Variants in SPRN observed in about 807,000 individuals in gnomAD.
SPRN encodes the protein hypothetical protein BC004409.
For missense variants in SPRN, 312 were observed against 241.4 expected (o/e 1.29, Z -1.94); for synonymous variants, 182 against 123.4 (o/e 1.48, Z -3.15).
Position 133,423,628 on chromosome 10 carries a change from G to C in SPRN, c.54C>G (p.Leu18=). Residue 18 remains leucine, a synonymous_variant, in exon 2 of 2, where the codon CTC becomes CTG. Coordinates refer to ENST00000685335, the MANE Select transcript of SPRN (RefSeq NM_001391974.1). Reference sequence around the variant, plus strand: ...CGCCCTTGGCTGCGCCGCTGTCGCAGAGGAAGGCGGCCGCCAGTAGCAGAG... The same window carrying C: ...CGCCCTTGGCTGCGCCGCTGTCGCACAGGAAGGCGGCCGCCAGTAGCAGAG... ...CWALLLAAAF[L]CDSGAAKGGR... The C allele has an allele frequency of 6.4e-7, 1 of 1,569,040 alleles. No individual in the cohort carries two copies. The highest frequency in any genetic ancestry group is 8.6e-7 in the Non-Finnish European group (1 of 1,161,454).
At chr10:133,424,625 TG>T (rs1184651172), upstream of SPRN, 1 of 138,382 alleles carries the variant, frequency 7.2e-6, no homozygotes, top group African/African-American at 3.1e-5. Context: ...GCCCTGGGAT[TG>T]GGGCGGGCAG....
At position 133,420,782 on chromosome 10, in the gene SPRN, G is replaced by A. The variant is rs941419919; in HGVS notation, c.*2444C>T. ...CTCAGTGCCCTGGGGCATGTTCAGG[G>A]CAGGGTTGAGGGGGACGCCCTGCAC... On this transcript the variant is annotated 3_prime_UTR_variant, in exon 2 of 2. Coordinates refer to ENST00000685335, the MANE Select transcript of SPRN (RefSeq NM_001391974.1). 2 of 152,510 alleles carry A rather than the reference G, an allele frequency of 1.3e-5. No individual in the cohort carries two copies. Among genetic ancestry groups the A allele is most frequent in the African/African-American group, 4.8e-5 (2 of 41,486 alleles). The allele number at this position is 152,510 out of a possible 1,614,324, so 9.4% of individuals were successfully genotyped here.
chr10:133,423,471 C>T lies in SPRN; in HGVS notation c.211G>A (p.Ala71Thr). 1 of 1,165,806 alleles carries T rather than the reference C, an allele frequency of 8.6e-7. No individual in the cohort carries two copies. The highest frequency in any genetic ancestry group is 1.1e-6 in the Non-Finnish European group (1 of 949,632). The allele number at this position is 1,165,806 out of a possible 1,614,324, so 72.2% of individuals were successfully genotyped here. A position where few individuals can be genotyped will look rare whatever the true frequency, so the allele number is the denominator to read the frequency against. ...GCTCCCGCCGCCGCCCCGGCTGCCG[C>T]CCCGGCGGCAGCCACGCGCAGGGAG... Reference protein sequence around the residue: ...GSSLRVAAAGAAAGAAAGAAA... With the variant: ...GSSLRVAAAGTAAGAAAGAAA... The change falls in exon 2 of 2, where the codon GCG becomes ACG. Residue 71 changes from alanine (A) to threonine (T), a missense_variant. Physicochemically the swap from Ala to Thr is moderately conservative, Grantham distance 58. Transcript: ENST00000685335.
chr10:133,423,617 C>T lies in SPRN; in HGVS notation c.65G>A (p.Gly22Asp). ...ACCTCCGCGGCCGCCCTTGGCTGCG[C>T]CGCTGTCGCAGAGGAAGGCGGCCGC... ...LLAAAFLCDS[G>D]AAKGGRGGAR... Residue 22 changes from glycine (G) to aspartate (D), a missense_variant, in exon 2 of 2, where the codon GGC becomes GAC. Transcript: ENST00000685335. 2.6e-6 allele frequency: 4 copies of T among 1,553,260 alleles called. No individual in the cohort carries two copies. Among genetic ancestry groups the T allele is most frequent in the Non-Finnish European group, 3.5e-6 (4 of 1,154,300 alleles).
In SPRN at chr10:133,421,905, G is replaced by C. The variant is rs1010289239; in HGVS notation, c.*1321C>G. Reference sequence around the variant, plus strand: ...AGGGTGAGATCCCAAGGCCACGGCGGGGGGCAGGGAGAACCCCTCCTACCC... The same window carrying C: ...AGGGTGAGATCCCAAGGCCACGGCGCGGGGCAGGGAGAACCCCTCCTACCC... On this transcript the variant is annotated 3_prime_UTR_variant, in exon 2 of 2. Coordinates refer to ENST00000685335, the MANE Select transcript of SPRN (RefSeq NM_001391974.1). The C allele has an allele frequency of 1.4e-5, 2 of 146,654 alleles. No homozygotes were observed. The highest frequency in any genetic ancestry group is 4.9e-5 in the African/African-American group (2 of 40,708). 9.1% of individuals were successfully genotyped at this position (146,654 alleles called of 1,614,324 possible).
In SPRN at chr10:133,424,516, C is replaced by T. The variant is rs1370630257; in HGVS notation, c.-60G>A. The T allele has an allele frequency of 1.1e-4, 15 of 134,578 alleles. No individual in the cohort carries two copies. The highest frequency in any genetic ancestry group is 4.6e-4 in the African/African-American group (14 of 30,358). The allele number at this position is 134,578 out of a possible 1,614,324, so 8.3% of individuals were successfully genotyped here. On this transcript the variant is annotated 5_prime_UTR_variant, in exon 1 of 2. Transcript: ENST00000685335. Reference sequence around the variant, plus strand: ...GGAACCGCGCGCTGGAGTATCCGTCCCTGAGGCCGCGGCCGAGCGGGAAGG... The same window carrying T: ...GGAACCGCGCGCTGGAGTATCCGTCTCTGAGGCCGCGGCCGAGCGGGAAGG...
rs1010777756 is a variant in SPRN at position 133,422,106 on chromosome 10, G to C, written c.*1120C>G. The C allele has an allele frequency of 6.5e-6, 1 of 152,840 alleles. No individual in the cohort carries two copies. Among genetic ancestry groups the C allele is most frequent in the African/African-American group, 2.4e-5 (1 of 41,452 alleles). The allele number at this position is 152,840 out of a possible 1,614,324, so 9.5% of individuals were successfully genotyped here. On this transcript the variant is annotated 3_prime_UTR_variant, in exon 2 of 2. Coordinates refer to ENST00000685335, the MANE Select transcript of SPRN (RefSeq NM_001391974.1). ...TCGTGACTGTCCAGCGCCACTCCAT[G>C]TCTCTCCTGTCCTTGGATGTTGGGG...
chr10:133,423,379 C>T lies in SPRN; in HGVS notation c.303G>A (p.Glu101=), dbSNP rs1054827846. The change falls in exon 2 of 2, where the codon GAG becomes GAA. Residue 101 remains glutamate (E), a synonymous_variant. Coordinates refer to ENST00000685335, the MANE Select transcript of SPRN (RefSeq NM_001391974.1). The part of the protein sequence containing the change: ...RAAGPGERGL[E]DEEDGVPGGN... ...CTCCGGGCACCCCGTCCTCCTCGTC[C>T]TCCAGGCCGCGTTCCCCGGGTCCCG... The T allele has an allele frequency of 3.3e-5, 49 of 1,501,492 alleles. No homozygotes were observed. The highest frequency in any genetic ancestry group is 3.0e-4 in the South Asian group (24 of 80,564). 93.0% of individuals were successfully genotyped at this position (1,501,492 alleles called of 1,614,324 possible). A position where few individuals can be genotyped will look rare whatever the true frequency, so the allele number is the denominator to read the frequency against.
Position 133,423,687 on chromosome 10 carries a change from TG to T in SPRN, c.-7del, listed in dbSNP as rs753158940. On this transcript the variant is annotated 5_prime_UTR_variant, in exon 2 of 2. Coordinates refer to ENST00000685335, the MANE Select transcript of SPRN (RefSeq NM_001391974.1). Reference sequence around the variant, plus strand: ...GTTGCGGGTGCCCAGTTCATCTTCGTGGGGCTAAACCTGCGGGAAGAGAGGG... The same window carrying T: ...GTTGCGGGTGCCCAGTTCATCTTCGTGGGCTAAACCTGCGGGAAGAGAGGG... 58 of 1,571,620 alleles carry T rather than the reference TG, an allele frequency of 3.7e-5. No individual in the cohort carries two copies. The highest frequency in any genetic ancestry group is 4.8e-5 in the Non-Finnish European group (56 of 1,158,944).
Position 133,423,107 on chromosome 10 carries a change from T to C in SPRN, c.*119A>G. The C allele has an allele frequency of 1.9e-6, 2 of 1,071,938 alleles. No homozygotes were observed. Among genetic ancestry groups the C allele is most frequent in the Non-Finnish European group, 2.6e-6 (2 of 776,392 alleles). The allele number at this position is 1,071,938 out of a possible 1,614,324, so 66.4% of individuals were successfully genotyped here. A position where few individuals can be genotyped will look rare whatever the true frequency, so the allele number is the denominator to read the frequency against. On this transcript the variant is annotated 3_prime_UTR_variant, in exon 2 of 2. Coordinates refer to ENST00000685335, the MANE Select transcript of SPRN (RefSeq NM_001391974.1). ...CGGGTCCACAGGGACAGCCAGCAGC[T>C]CCTGCACCCAGTGGGGCTCCAAGAC...
Position 133,424,503 on chromosome 10 carries a change from T to C in SPRN, c.-47A>G, listed in dbSNP as rs1424080625. The C allele has an allele frequency of 2.4e-5, 3 of 125,018 alleles. No homozygotes were observed. The highest frequency in any genetic ancestry group is 1.1e-4 in the African/African-American group (3 of 26,836). The allele number at this position is 125,018 out of a possible 1,614,324, so 7.7% of individuals were successfully genotyped here. On this transcript the variant is annotated 5_prime_UTR_variant, in exon 1 of 2. Coordinates refer to ENST00000685335, the MANE Select transcript of SPRN (RefSeq NM_001391974.1). ...ACGGGCCTCGGTTGGAACCGCGCGCTGGAGTATCCGTCCCTGAGGCCGCGG... is the reference window on the plus strand; with the variant it reads ...ACGGGCCTCGGTTGGAACCGCGCGCCGGAGTATCCGTCCCTGAGGCCGCGG...
chr10:133,421,921 C>A lies in SPRN; in HGVS notation c.*1305G>T, dbSNP rs1363164754. ...GCCACGGCGGGGGGCAGGGAGAACCCCTCCTACCCTGGATGAGTGGGTGAC... is the reference window on the plus strand; with the variant it reads ...GCCACGGCGGGGGGCAGGGAGAACCACTCCTACCCTGGATGAGTGGGTGAC... On this transcript the variant is annotated 3_prime_UTR_variant, in exon 2 of 2. Transcript: ENST00000685335. The A allele has an allele frequency of 8.0e-6, 1 of 124,742 alleles. No homozygotes were observed. The highest frequency in any genetic ancestry group is 1.7e-5 in the Non-Finnish European group (1 of 58,198). The allele number at this position is 124,742 out of a possible 1,614,324, so 7.7% of individuals were successfully genotyped here. A position where few individuals can be genotyped will look rare whatever the true frequency, so the allele number is the denominator to read the frequency against.
rs564529485 is a variant in SPRN, at chr10:133,423,532, G to T, written c.150C>A (p.Arg50=). The T allele has an allele frequency of 3.3e-6, 4 of 1,210,828 alleles. No homozygotes were observed. The highest frequency in any genetic ancestry group is 2.0e-6 in the Non-Finnish European group (2 of 976,088). 75.0% of individuals were successfully genotyped at this position (1,210,828 alleles called of 1,614,324 possible). A position where few individuals can be genotyped will look rare whatever the true frequency, so the allele number is the denominator to read the frequency against. ...CACCGTAGCGCTGCGCCGGCCTCAC[G>T]CGCACCCTCGAGGCCCCGCGCGCAC... is the stretch of plus-strand genomic sequence containing the variant. ...RGGARGASRV[R]VRPAQRYGAP... is the part of the protein sequence containing the mutation. The change falls in exon 2 of 2, where the codon CGC becomes CGA. Residue 50 remains arginine (R), a synonymous_variant. Coordinates refer to ENST00000685335, the MANE Select transcript of SPRN (RefSeq NM_001391974.1).
At position 133,422,131 on chromosome 10, in the gene SPRN, G is replaced by C. The variant is rs1415987684; in HGVS notation, c.*1095C>G. The C allele has an allele frequency of 6.5e-6, 1 of 152,930 alleles. No homozygotes were observed. The highest frequency in any genetic ancestry group is 1.5e-5 in the Non-Finnish European group (1 of 68,450). The allele number at this position is 152,930 out of a possible 1,614,324, so 9.5% of individuals were successfully genotyped here. ...GTCTCTCCTGTCCTTGGATGTTGGG[G>C]GGCTCAGCCTCTTGCATGGGTGTCC... On this transcript the variant is annotated 3_prime_UTR_variant, in exon 2 of 2. Coordinates refer to ENST00000685335, the MANE Select transcript of SPRN (RefSeq NM_001391974.1).
intron 1 of SPRN, among the ~76,000 whole-genome samples, 183 bp from the exon 2 acceptor site, chr10:133,423,880 C>T (rs1850309726): frequency 6.6e-6 from 1 of 152,236 alleles, no homozygotes; most frequent in Non-Finnish European, 1.5e-5. Flanking sequence ...GGGACTTAGG[C>T]CTGGGGGAGG....
chr10:133,423,424 G>GCCCGCCGCCAGGCCCGCGGCCGCT lies in SPRN; in HGVS notation c.234_257dup (p.Ala79_Gly86dup), dbSNP rs774198574. 2.9e-6 allele frequency: 4 copies of GCCCGCCGCCAGGCCCGCGGCCGCT among 1,374,692 alleles called. No homozygotes were observed. Among genetic ancestry groups the GCCCGCCGCCAGGCCCGCGGCCGCT allele is most frequent in the South Asian group, 1.7e-5 (1 of 57,644 alleles). 85.2% of individuals were successfully genotyped at this position (1,374,692 alleles called of 1,614,324 possible). A position where few individuals can be genotyped will look rare whatever the true frequency, so the allele number is the denominator to read the frequency against. On this transcript the variant is annotated inframe_insertion, in exon 2 of 2. Transcript: ENST00000685335. The stretch of plus-strand genomic sequence containing the variant: ...GTCCCGCGGCCCTTCTCCAGCCCGA[G>GCCCGCCGCCAGGCCCGCGGCCGCT]CCCGCCGCCAGGCCCGCGGCCGCTC...
chr10:133,423,022 C>A lies in SPRN; in HGVS notation c.*204G>T. On this transcript the variant is annotated 3_prime_UTR_variant, in exon 2 of 2. Coordinates refer to ENST00000685335, the MANE Select transcript of SPRN (RefSeq NM_001391974.1). The stretch of plus-strand genomic sequence containing the variant: ...ATCCTGGAGTGGGTGGGGCAGGGCC[C>A]ATGGTCTCCTCTAGGTGGGAGGTGG... The A allele has an allele frequency of 1.9e-6, 1 of 513,354 alleles. No individual in the cohort carries two copies. Among genetic ancestry groups the A allele is most frequent in the East Asian group, 3.4e-5 (1 of 29,106 alleles). 31.8% of individuals were successfully genotyped at this position (513,354 alleles called of 1,614,324 possible).
rs1177242651 is a variant in SPRN, at chr10:133,423,403, C to T, written c.279G>A (p.Ala93=). 2.7e-6 allele frequency: 4 copies of T among 1,485,924 alleles called. No individual in the cohort carries two copies. The highest frequency in any genetic ancestry group is 2.9e-5 in the African/African-American group (2 of 68,470). The allele number at this position is 1,485,924 out of a possible 1,614,324, so 92.0% of individuals were successfully genotyped here. ...LAAGSGWRRA[A]GPGERGLEDE... ...CCTCCAGGCCGCGTTCCCCGGGTCCCGCGGCCCTTCTCCAGCCCGAGCCCG... is the reference window on the plus strand; with the variant it reads ...CCTCCAGGCCGCGTTCCCCGGGTCCTGCGGCCCTTCTCCAGCCCGAGCCCG... Residue 93 remains alanine (A), a synonymous_variant, in exon 2 of 2, where the codon GCG becomes GCA. Coordinates refer to ENST00000685335, the MANE Select transcript of SPRN (RefSeq NM_001391974.1).
At position 133,423,058 on chromosome 10, in the gene SPRN, C is replaced by T. The variant is rs1425808088; in HGVS notation, c.*168G>A. On this transcript the variant is annotated 3_prime_UTR_variant, in exon 2 of 2. Transcript: ENST00000685335. ...CTAGGTGGGAGGTGGCAGGCTGAGG[C>T]GGCGTGGGCAGGACGGTGGATGGCG... 1.0e-5 allele frequency: 7 copies of T among 690,108 alleles called. No individual in the cohort carries two copies. Among genetic ancestry groups the T allele is most frequent in the South Asian group, 8.3e-5 (4 of 48,336 alleles). The allele number at this position is 690,108 out of a possible 1,614,324, so 42.7% of individuals were successfully genotyped here.
Sources: allele counts gnomAD v4.1 joint callset (sites outside exome capture counted in the v4.1 genomes callset), GRCh38; gene constraint gnomAD v4.1.1; transcripts MANE v1.5; gene names NCBI Gene and HGNC (gene_info 2026-07-23, HGNC 2026-07-21).